The following DNAH3 variants were observed in gnomAD, a reference collection of about 807,000 sequenced individuals.
The protein encoded by DNAH3 is axonemal beta dynein heavy chain 3.
DNAH3 carries 332 observed loss-of-function variants against 432.5 expected under a neutral mutation model. The ratio of observed to expected loss-of-function variants is 0.77; its 90% CI spans 0.70 to 0.84. The LOEUF (loss-of-function observed/expected upper bound fraction) is 0.84. Ranked by LOEUF, DNAH3 falls within the 40% of genes least tolerant of loss-of-function variation. The probability of loss-of-function intolerance (pLI) is 0.00; values close to 1 mark genes in which losing one functional copy is unlikely to be tolerated. For synonymous variants in DNAH3, 1,956 were observed against 1,900.2 expected, an observed-to-expected ratio of 1.03 and a Z score of -0.76; for missense variants, 4,861 against 5,114.0, an observed-to-expected ratio of 0.95 and a Z score of 1.51.
intron 59 of DNAH3, among the ~76,000 whole-genome samples, chr16:20,938,407 A>G (rs1567490960): frequency 6.6e-6 from 1 of 151,390 alleles, no homozygotes; most frequent in East Asian, 1.9e-4. Flanking sequence ...AAAAAAAAAA[A>G]GGAATGTAAA....
rs557011311 is a variant in DNAH3 at position 21,083,171 on chromosome 16, A to C, written c.2878-1444T>G. 2.2e-4 allele frequency among the ~76,000 whole-genome samples: 33 copies of C among 151,856 alleles called. No homozygotes were observed. In the East Asian group the frequency reaches 5.5e-3, roughly 25 times the overall value. ...GTTGGGATTACAGGCGCATGGCACC[A>C]CGCCCGGCTAATTTTTGTATTTTTA... is the stretch of plus-strand genomic sequence containing the variant. On this transcript the variant is annotated intron_variant, in intron 19 of 61. Coordinates refer to ENST00000261383, the Ensembl canonical transcript of DNAH3.
At chr16:20,944,801 A>G in intron 57 of DNAH3, 138 bp from the exon 58 acceptor site, 2 of 789,988 alleles carry the variant, frequency 2.5e-6, no homozygotes, top group South Asian at 1.7e-5. Flanking sequence ...ACACACACAC[A>G]CGCTGGGAGA....
In DNAH3 at chr16:21,036,490, C is replaced by CTG. The variant is rs201227722; in HGVS notation, c.5085+222_5085+223dup. Among the ~76,000 whole-genome samples, 1,455 of 152,280 alleles carry CTG rather than the reference C, an allele frequency of 9.6e-3. 19 individuals carry two copies. Among genetic ancestry groups the CTG allele is most frequent in the African/African-American group, 0.033 (1,389 of 41,538 alleles). ...AATGCAGTGGTATGATCATAGCCCA[C>CTG]TGCAGCCTCGAACTCCTGGGCTCAA... On this transcript the variant is annotated intron_variant, in intron 35 of 61. Coordinates refer to ENST00000261383, the Ensembl canonical transcript of DNAH3.
At chr16:20,983,001 C>T (rs1185424877) in intron 48 of DNAH3, 115 bp from the exon 49 acceptor site, 11 of 1,114,296 alleles carry the variant, frequency 9.9e-6, no homozygotes, top group East Asian at 2.4e-5. Context: ...TTCCTCCTGG[C>T]GCTCCAGGGA....
intron 2 of DNAH3, among the ~76,000 whole-genome samples, chr16:21,145,726 G>A (rs979308650): frequency 2.0e-5 from 3 of 152,222 alleles, no homozygotes; most frequent in Admixed American, 1.3e-4. Flanking sequence ...GAAACACGCA[G>A]AAGTTCAGAG....
At position 21,116,343 on chromosome 16, in the gene DNAH3, G is replaced by A. The variant is rs145016183; in HGVS notation, c.1814+860C>T. ...TCGGTGGGAGGTAATTTAATCATGA[G>A]AGCGGTTACCCTCATGCTGTTCTCG... On this transcript the variant is annotated intron_variant, in intron 12 of 61. Coordinates refer to ENST00000261383, the Ensembl canonical transcript of DNAH3. Among the ~76,000 whole-genome samples the A allele has an allele frequency of 1.8e-3, 280 of 151,966 alleles. 1 individual carries two copies. Among genetic ancestry groups the A allele is most frequent in the Admixed American group, 0.013 (191 of 15,262 alleles).
intron 1 of DNAH3, among the ~76,000 whole-genome samples, chr16:21,146,819 G>A (rs2092790491): frequency 6.7e-6 from 1 of 150,330 alleles, no homozygotes; most frequent in African/African-American, 2.5e-5. Flanking sequence ...GGAGTGCAGT[G>A]GCTCTATCTC....
exon 48 of DNAH3, chr16:20,985,115 C>T: frequency 1.9e-6 from 3 of 1,614,172 alleles, no homozygotes; most frequent in Non-Finnish European, 2.5e-6. Flanking sequence ...AGAGGAGTGA[C>T]TTCAACCTTC....
At chr16:21,028,785 C>T (rs938459255) in intron 37 of DNAH3, among the ~76,000 whole-genome samples, 7 of 152,252 alleles carry the variant, frequency 4.6e-5, no homozygotes, top group Admixed American at 3.9e-4. Context: ...TTCCTACTCA[C>T]GAAAATGGAT....
intron 16 of DNAH3, among the ~76,000 whole-genome samples, chr16:21,102,761 T>C (rs1417149991): frequency 6.6e-6 from 1 of 152,204 alleles, no homozygotes; most frequent in East Asian, 1.9e-4. Flanking sequence ...AAAATGATTT[T>C]ACTTTCCTGG....
exon 48 of DNAH3, chr16:20,985,178 C>T (rs147364678): frequency 1.4e-5 from 23 of 1,614,068 alleles, no homozygotes; most frequent in Non-Finnish European, 1.7e-5. Context: ...TCAGCCTTCT[C>T]GTCAGCAGGG....
chr16:21,091,267 C>T lies in DNAH3; in HGVS notation c.2666-4207G>A, dbSNP rs376723314. Among the ~76,000 whole-genome samples, 58 of 151,916 alleles carry T rather than the reference C, an allele frequency of 3.8e-4. 1 individual carries two copies. The East Asian group carries it at 5.4e-3, about 14-fold the overall frequency. Reference sequence around the variant, plus strand: ...GTGAGGGTGTGGATATGTTAATTAGCTTGATTTAATCTTTCTATGATGTAT... The same window carrying T: ...GTGAGGGTGTGGATATGTTAATTAGTTTGATTTAATCTTTCTATGATGTAT... On this transcript the variant is annotated intron_variant, in intron 18 of 61. Coordinates refer to ENST00000261383, the Ensembl canonical transcript of DNAH3.
rs779997312 is a variant in DNAH3, at chr16:21,058,050, G to C, written c.3924+36C>G. On this transcript the variant is annotated intron_variant, in intron 27 of 61. Transcript: ENST00000261383. ...GTCATTCAAATCCTAATTGATGCTTGGATCTCTTCTGTAACTTTGCAGCAA... is the reference window on the plus strand; with the variant it reads ...GTCATTCAAATCCTAATTGATGCTTCGATCTCTTCTGTAACTTTGCAGCAA... 6.8e-6 allele frequency: 8 copies of C among 1,171,440 alleles called. No homozygotes were observed. The African/African-American group carries it at 1.1e-4, about 16-fold the overall frequency. The allele number at this position is 1,171,440 out of a possible 1,614,324, so 72.6% of individuals were successfully genotyped here. A position where few individuals can be genotyped will look rare whatever the true frequency, so the allele number is the denominator to read the frequency against.
intron 7 of DNAH3, among the ~76,000 whole-genome samples, chr16:21,131,413 GAGAA>G (rs1438632666): frequency 2.8e-5 from 4 of 143,140 alleles, no homozygotes; most frequent in South Asian, 2.2e-4. Flanking sequence ...CAGGGTCAAA[GAGAA>G]AGAAAGAAGA....
exon 48 of DNAH3, chr16:20,985,405 A>G (rs1265961457): frequency 2.5e-6 from 4 of 1,614,164 alleles, no homozygotes; most frequent in South Asian, 1.1e-5. Context: ...GAATGTGGAC[A>G]GTTTGGCGGC....
intron 55 of DNAH3, among the ~76,000 whole-genome samples, chr16:20,954,383 C>T (rs1002563500): frequency 6.6e-6 from 1 of 151,068 alleles, no homozygotes; most frequent in Middle Eastern, 3.2e-3. Context: ...CTCCACCTCC[C>T]GGTTGAAGCC....
At chr16:21,019,977 T>G in intron 40 of DNAH3, 108 bp from the exon 41 acceptor site, 1 of 1,297,826 alleles carries the variant, frequency 7.7e-7, no homozygotes, top group East Asian at 2.3e-5. Context: ...GAAGGGCGAC[T>G]GATATTGGCA....
Position 21,150,282 on chromosome 16 carries a change from A to T in DNAH3, c.118-4194T>A. 1 of 450,138 alleles carries T rather than the reference A, an allele frequency of 2.2e-6. No individual in the cohort carries two copies. The highest frequency in any genetic ancestry group is 1.6e-5 in the South Asian group (1 of 62,842). The allele number at this position is 450,138 out of a possible 1,614,324, so 27.9% of individuals were successfully genotyped here. ...TAAAACAAGAAACGTCTTAAAATTC[A>T]CACCTACCTTCTGAGATGAGCAATC... On this transcript the variant is annotated intron_variant, in intron 1 of 61. Transcript: ENST00000261383.
At chr16:20,957,976 G>A (rs1029681864) in intron 54 of DNAH3, among the ~76,000 whole-genome samples, 6 of 151,748 alleles carry the variant, frequency 4.0e-5, no homozygotes, top group African/African-American at 1.4e-4. Flanking sequence ...ACAAATAGCT[G>A]TTTCCAATGT....
Sources: allele counts gnomAD v4.1 joint callset (sites outside exome capture counted in the v4.1 genomes callset), GRCh38; gene constraint gnomAD v4.1.1; transcripts MANE v1.5; gene names NCBI Gene and HGNC (gene_info 2026-07-23, HGNC 2026-07-21).